The following COL4A5 variants were observed in gnomAD, a reference collection of about 807,000 sequenced individuals.
The protein encoded by COL4A5 is collagen alpha-5(IV) chain.
A neutral mutation model predicts 130.2 loss-of-function variants in COL4A5; 26 were observed. The ratio of observed to expected loss-of-function variants is 0.20; its 90% CI spans 0.15 to 0.28. COL4A5 has a LOEUF of 0.28. Among genes scored for constraint, COL4A5 ranks in the 10% least tolerant of loss-of-function variants. The pLI is 1.00. For synonymous variants in COL4A5, 496 were observed against 439.6 expected, an observed-to-expected ratio of 1.13 and a Z score of -1.60; for missense variants, 1,131 against 1,344.3, an observed-to-expected ratio of 0.84 and a Z score of 2.48.
chrX:108,512,080 A>G (rs964658984), intron 1 of COL4A5, among the ~76,000 whole-genome samples: 2 of 112,332 alleles, frequency 1.8e-5, no homozygotes, highest in Non-Finnish European at 3.8e-5. Context: ...AAACCAATAC[A>G]CTTTCTCCTA....
intron 1 of COL4A5, among the ~76,000 whole-genome samples, chrX:108,504,957 C>G (rs1253361506): frequency 1.8e-5 from 2 of 111,411 alleles, no homozygotes; most frequent in East Asian, 5.7e-4. Flanking sequence ...TATTGCAGCA[C>G]AATTCAAAGA....
At chrX:108,502,125 G>A (rs890396911) in intron 1 of COL4A5, among the ~76,000 whole-genome samples, 1 of 112,362 alleles carries the variant, frequency 8.9e-6, no homozygotes, top group African/African-American at 3.2e-5. Flanking sequence ...ATCATTCATA[G>A]GTGAGTTGAG....
chrX:108,458,545 T>G (rs1287398242), intron 1 of COL4A5, among the ~76,000 whole-genome samples: 1 of 111,870 alleles, frequency 8.9e-6, no homozygotes. Context: ...AATTTTACAG[T>G]TACCTTGGCA....
intron 2 of COL4A5, among the ~76,000 whole-genome samples, chrX:108,545,096 G>C (rs2065624043): frequency 9.0e-6 from 1 of 111,601 alleles, no homozygotes; most frequent in Non-Finnish European, 1.9e-5. Flanking sequence ...GGATTTTTGT[G>C]TCTCTATCTC....
intron 41 of COL4A5, among the ~76,000 whole-genome samples, chrX:108,668,870 A>G (rs2068139979): frequency 8.9e-6 from 1 of 112,291 alleles, no homozygotes; most frequent in African/African-American, 3.2e-5. Flanking sequence ...TGAGCTTCTC[A>G]GCATGTCATC....
At chrX:108,578,880 A>G (rs895272071) in intron 13 of COL4A5, among the ~76,000 whole-genome samples, 3 of 110,256 alleles carry the variant, frequency 2.7e-5, no homozygotes, top group East Asian at 2.8e-4. Flanking sequence ...GGGTTTCACC[A>G]TGTTGGCCAG....
intron 36 of COL4A5, among the ~76,000 whole-genome samples, chrX:108,653,526 G>A (rs776864062): frequency 1.5e-4 from 17 of 111,224 alleles, no homozygotes; most frequent in Admixed American, 1.1e-3. Flanking sequence ...ACAAAATGGC[G>A]TGCAATTAAA....
intron 1 of COL4A5, among the ~76,000 whole-genome samples, chrX:108,479,112 G>A: frequency 8.9e-6 from 1 of 112,153 alleles, no homozygotes; most frequent in Non-Finnish European, 1.9e-5. Flanking sequence ...GAGACTGAGT[G>A]GTGTCCACAG....
chrX:108,506,366 A>G (rs1040954961), intron 1 of COL4A5, among the ~76,000 whole-genome samples: 1 of 108,289 alleles, frequency 9.2e-6, no homozygotes, highest in African/African-American at 3.4e-5. Flanking sequence ...CTATCTATCT[A>G]TCTATCTATC....
At chrX:108,644,931 A>G (rs2067547592) in intron 36 of COL4A5, among the ~76,000 whole-genome samples, 1 of 109,519 alleles carries the variant, frequency 9.1e-6, no homozygotes. Context: ...AAAAAAAAAA[A>G]AAAAAAGAAA....
intron 49 of COL4A5, among the ~76,000 whole-genome samples, chrX:108,688,920 A>G (rs2068598966): frequency 9.0e-6 from 1 of 110,948 alleles, no homozygotes; most frequent in African/African-American, 3.3e-5. Context: ...TTTACTCCCT[A>G]TTTTTCCAAG....
chrX:108,587,233 T>C (rs1235763503), intron 19 of COL4A5, among the ~76,000 whole-genome samples: 1 of 111,258 alleles, frequency 9.0e-6, no homozygotes, highest in Non-Finnish European at 1.9e-5. Context: ...TCTAACTGTA[T>C]GTTTGTACCC....
intron 2 of COL4A5, among the ~76,000 whole-genome samples, chrX:108,543,809 G>A (rs770705494): frequency 9.0e-6 from 1 of 111,633 alleles, no homozygotes; most frequent in South Asian, 3.8e-4. Context: ...AATTCTCCTC[G>A]AAGAGGTCCT....
chrX:108,622,938 T>C (rs1569498288), intron 33 of COL4A5, 113 bp downstream of exon 33: 1 of 680,121 alleles, frequency 1.5e-6, no homozygotes, highest in East Asian at 3.5e-5. Context: ...GGCACTTAAA[T>C]GCATCAAATT....
At chrX:108,480,106 G>A (rs754047413) in intron 1 of COL4A5, among the ~76,000 whole-genome samples, 24 of 111,630 alleles carry the variant, frequency 2.1e-4, no homozygotes, top group African/African-American at 6.8e-4. Flanking sequence ...CTCGTGTTCC[G>A]GACCCCACTC....
At chrX:108,445,812 T>C (rs2064446297) in intron 1 of COL4A5, among the ~76,000 whole-genome samples, 2 of 111,924 alleles carry the variant, frequency 1.8e-5, no homozygotes, top group African/African-American at 6.5e-5. Context: ...TGTTGGAAAC[T>C]TGAAAAACAT....
At chrX:108,596,045 C>G (rs921622887) in intron 22 of COL4A5, among the ~76,000 whole-genome samples, 18 of 111,588 alleles carry the variant, frequency 1.6e-4, no homozygotes, top group Non-Finnish European at 3.4e-4. Flanking sequence ...ATTCCTCTCT[C>G]TCTATATATA....
intron 36 of COL4A5, among the ~76,000 whole-genome samples, chrX:108,641,620 C>A (rs2067469063): frequency 8.9e-6 from 1 of 111,931 alleles, no homozygotes; most frequent in Admixed American, 9.4e-5. Context: ...ATACACACCG[C>A]CACTGGAGAA....
intron 33 of COL4A5, 97 bp downstream of exon 33, chrX:108,622,922 A>ATAAT (rs2067085357): frequency 1.2e-6 from 1 of 838,868 alleles, no homozygotes; most frequent in Non-Finnish European, 1.7e-6. Context: ...AGAATTCACC[A>ATAAT]ACAAAGGCAC....
Sources: allele counts gnomAD v4.1 joint callset (sites outside exome capture counted in the v4.1 genomes callset), GRCh38; gene constraint gnomAD v4.1.1; transcripts MANE v1.5; gene names NCBI Gene and HGNC (gene_info 2026-07-23, HGNC 2026-07-21).